The following NEMF variants were observed in gnomAD, a reference collection of about 807,000 sequenced individuals.
The protein encoded by NEMF is ribosome quality control complex subunit NEMF.
In NEMF, 89 loss-of-function variants were observed where a neutral mutation model predicts 162.2. The observed-to-expected ratio is 0.55, with a 90% CI of 0.46 to 0.65. The LOEUF (loss-of-function observed/expected upper bound fraction) is 0.65, where lower values mean the gene tolerates loss of function less well. Among genes scored for constraint, NEMF ranks in the 30% least tolerant of loss-of-function variants. The pLI is 0.00. For missense variants in NEMF, 1,133 were observed against 1,261.9 expected (o/e 0.90, Z 1.55); for synonymous variants, 421 against 404.5 (o/e 1.04, Z -0.49).
chr14:49,782,695 A>G lies in NEMF; in HGVS notation c.*1941T>C, dbSNP rs1258393259. 6 of 1,366,474 alleles carry G rather than the reference A, an allele frequency of 4.4e-6. No homozygotes were observed. The highest frequency in any genetic ancestry group is 1.5e-5 in the African/African-American group (1 of 68,624). 84.6% of individuals were successfully genotyped at this position (1,366,474 alleles called of 1,614,324 possible). The stretch of plus-strand genomic sequence containing the variant: ...GTTTATGGATTATTTAAGGGCAATA[A>G]AACTTCATTGCTATAACCAGTTCCT... On this transcript the variant is annotated 3_prime_UTR_variant, in exon 33 of 33. Coordinates refer to ENST00000298310, the MANE Select transcript of NEMF (RefSeq NM_004713.6).
At position 49,784,515 on chromosome 14, in the gene NEMF, G is replaced by T; in HGVS notation, c.*121C>A. On this transcript the variant is annotated 3_prime_UTR_variant, in exon 33 of 33. Transcript: ENST00000298310. The stretch of plus-strand genomic sequence containing the variant: ...GAAGTAAGTCCTTTTGGTGAATATA[G>T]CAAGGCAATGTTTAGTTCATTTTTA... 1 of 673,754 alleles carries T rather than the reference G, an allele frequency of 1.5e-6. No individual in the cohort carries two copies. Among genetic ancestry groups the T allele is most frequent in the Non-Finnish European group, 2.5e-6 (1 of 393,016 alleles). 41.7% of individuals were successfully genotyped at this position (673,754 alleles called of 1,614,324 possible).
intron 6 of NEMF, among the ~76,000 whole-genome samples, chr14:49,834,885 G>C (rs1892821919): frequency 1.3e-5 from 2 of 152,228 alleles, no homozygotes; most frequent in African/African-American, 4.8e-5. Context: ...TTATTTTGAA[G>C]TGTTACTTAG....
Position 49,829,270 on chromosome 14 carries a change from A to T in NEMF, c.1024-8T>A. ...TTTCAGTTTGTCTATTTCCTTAAAA[A>T]ACAAACCACACACATTTACTACATT... On this transcript the variant is annotated splice_polypyrimidine_tract_variant and splice_region_variant and intron_variant, in intron 12 of 32. Transcript: ENST00000298310. 6.2e-7 allele frequency: 1 copy of T among 1,613,910 alleles called. No homozygotes were observed.
chr14:49,838,529 C>G (rs1192153483), intron 5 of NEMF, among the ~76,000 whole-genome samples: 1 of 149,702 alleles, frequency 6.7e-6, no homozygotes, highest in African/African-American at 2.5e-5. Flanking sequence ...CATGCCATAT[C>G]TTAATATCCA....
intron 16 of NEMF, among the ~76,000 whole-genome samples, chr14:49,819,135 G>A (rs901550539): frequency 4.6e-5 from 7 of 152,070 alleles, no homozygotes; most frequent in African/African-American, 1.2e-4. Flanking sequence ...AAAGGAGGGT[G>A]CGGTAGGGCT....
chr14:49,827,659 A>AAAC (rs1892425685), intron 15 of NEMF, among the ~76,000 whole-genome samples: 1 of 152,168 alleles, frequency 6.6e-6, no homozygotes, highest in Admixed American at 6.5e-5. Flanking sequence ...CTAAAACTAC[A>AAAC]AAAATTAGCT....
intron 15 of NEMF, among the ~76,000 whole-genome samples, chr14:49,826,761 G>A (rs1331307872): frequency 6.6e-6 from 1 of 152,132 alleles, no homozygotes; most frequent in Non-Finnish European, 1.5e-5. Flanking sequence ...ATATTCTAGA[G>A]GGAATCCAGA....
At chr14:49,815,629 T>C (rs1891678645) in intron 16 of NEMF, among the ~76,000 whole-genome samples, 1 of 152,134 alleles carries the variant, frequency 6.6e-6, no homozygotes, top group Non-Finnish European at 1.5e-5. Context: ...ATTTTTTGAT[T>C]GGGTAACACA....
chr14:49,840,587 T>G, intron 5 of NEMF, 131 bp downstream of exon 5: 1 of 735,998 alleles, frequency 1.4e-6, no homozygotes, highest in Non-Finnish European at 2.2e-6. Flanking sequence ...AAACAAAATA[T>G]TTTATCTCAC....
rs754305762 is a variant in NEMF, at chr14:49,782,634, T to A, written c.*2002A>T. 4.6e-6 allele frequency: 7 copies of A among 1,533,728 alleles called. No homozygotes were observed. The Admixed American group carries it at 1.3e-4, about 29-fold the overall frequency. On this transcript the variant is annotated 3_prime_UTR_variant, in exon 33 of 33. Coordinates refer to ENST00000298310, the MANE Select transcript of NEMF (RefSeq NM_004713.6). ...ACTTGGCACTTAGATTATTTAAAAT[T>A]GTGTTTCCTAAGACTTAGCACTCTC...
At chr14:49,845,958 C>T (rs537611670) in intron 4 of NEMF, 182 bp downstream of exon 4, 1 of 569,430 alleles carries the variant, frequency 1.8e-6, no homozygotes, top group South Asian at 2.6e-5. Flanking sequence ...TAAACTCAGA[C>T]CTACAGATAA....
Position 49,789,059 on chromosome 14 carries a change from T to C in NEMF, c.2895+87A>G. Reference sequence around the variant, plus strand: ...GAATAGGGTTACTCACTTGTCTTGGTTTTAGCACTGAAAGTCCCATGTCCT... The same window carrying C: ...GAATAGGGTTACTCACTTGTCTTGGCTTTAGCACTGAAAGTCCCATGTCCT... On this transcript the variant is annotated intron_variant, in intron 28 of 32. Coordinates refer to ENST00000298310, the MANE Select transcript of NEMF (RefSeq NM_004713.6). 6.8e-6 allele frequency: 7 copies of C among 1,023,516 alleles called. No individual in the cohort carries two copies. In the South Asian group the frequency reaches 9.9e-5, roughly 15 times the overall value. The allele number at this position is 1,023,516 out of a possible 1,614,324, so 63.4% of individuals were successfully genotyped here. A position where few individuals can be genotyped will look rare whatever the true frequency, so the allele number is the denominator to read the frequency against.
chr14:49,803,322 C>G, intron 19 of NEMF, 28 bp from the exon 20 acceptor site: 1 of 1,489,322 alleles, frequency 6.7e-7, no homozygotes, highest in East Asian at 2.3e-5. Context: ...ACATTATATT[C>G]TTATTTAAAA....
At chr14:49,798,778 G>A (rs186926359) in intron 25 of NEMF, among the ~76,000 whole-genome samples, 6 of 152,204 alleles carry the variant, frequency 3.9e-5, no homozygotes, top group Non-Finnish European at 5.9e-5. Flanking sequence ...ATGGTGGTGG[G>A]CGCCTCTAGT....
chr14:49,811,285 T>C (rs1891466987), intron 18 of NEMF, among the ~76,000 whole-genome samples: 1 of 152,252 alleles, frequency 6.6e-6, no homozygotes, highest in Non-Finnish European at 1.5e-5. Context: ...ACAACTGATT[T>C]TTGTTTACTG....
At chr14:49,810,027 T>C (rs1006674101) in intron 18 of NEMF, among the ~76,000 whole-genome samples, 2 of 151,922 alleles carry the variant, frequency 1.3e-5, no homozygotes, top group African/African-American at 4.8e-5. Context: ...CACTATACAT[T>C]CTGCTCAATT....
chr14:49,820,411 C>T (rs1452291957), intron 16 of NEMF: 9 of 456,572 alleles, frequency 2.0e-5, no homozygotes, highest in Non-Finnish European at 4.0e-5. Flanking sequence ...GTCCTCTGGT[C>T]ACTGCATGAC....
chr14:49,800,373 CATT>C, intron 23 of NEMF, 44 bp downstream of exon 23: 1 of 1,358,822 alleles, frequency 7.4e-7, no homozygotes, highest in Non-Finnish European at 1.0e-6. Flanking sequence ...ACCTCATCAT[CATT>C]CTCAGCTTAC....
At chr14:49,805,662 G>C (rs1891153591) in intron 19 of NEMF, among the ~76,000 whole-genome samples, 1 of 151,462 alleles carries the variant, frequency 6.6e-6, no homozygotes, top group Admixed American at 6.6e-5. Context: ...ATGAACAGAA[G>C]AAAGGCCTTT....
Sources: gnomAD v4.1 joint callset for allele counts (sites outside exome capture counted in the v4.1 genomes callset) on GRCh38, gnomAD v4.1.1 for gene constraint, MANE v1.5 for transcripts, NCBI Gene and HGNC (gene_info 2026-07-23, HGNC 2026-07-21) for gene names.